TRABD2B: variants seen among roughly 807,000 people sequenced by gnomAD.
TRABD2B encodes metalloprotease TIKI2.
A neutral mutation model predicts 40.1 loss-of-function variants in TRABD2B; 14 were observed. The observed-to-expected ratio is 0.35, with a 90% CI of 0.23 to 0.55. The LOEUF is 0.55. Among genes scored for constraint, TRABD2B ranks in the 20% least tolerant of loss-of-function variants. The probability of loss-of-function intolerance (pLI) is 0.90; values close to 1 mark genes in which losing one functional copy is unlikely to be tolerated. For missense variants in TRABD2B, 541 were observed against 648.6 expected (o/e 0.83, Z 1.80); for synonymous variants, 263 against 277.0 (o/e 0.95, Z 0.50).
intron 2 of TRABD2B, among the ~76,000 whole-genome samples, chr1:47,814,090 A>G (rs938319575): frequency 2.6e-5 from 4 of 152,268 alleles, no homozygotes; most frequent in Admixed American, 2.6e-4. Flanking sequence ...CTGTGGGGAC[A>G]CACATTTGCC....
intron 2 of TRABD2B, among the ~76,000 whole-genome samples, chr1:47,926,232 C>A (rs1045292439): frequency 6.6e-6 from 1 of 152,186 alleles, no homozygotes; most frequent in Admixed American, 6.5e-5. Flanking sequence ...TGGGTCCCTG[C>A]CCTCTCAACT....
intron 2 of TRABD2B, among the ~76,000 whole-genome samples, chr1:47,879,536 A>G (rs1003969150): frequency 1.5e-4 from 23 of 152,244 alleles, no homozygotes; most frequent in African/African-American, 5.1e-4. Flanking sequence ...TAATGTTGGT[A>G]CAACTATGAA....
At chr1:47,768,656 T>C (rs772449396) in intron 6 of TRABD2B, among the ~76,000 whole-genome samples, 1 of 152,184 alleles carries the variant, frequency 6.6e-6, no homozygotes, top group Non-Finnish European at 1.5e-5. Flanking sequence ...CCATTTATTA[T>C]ACGTAGTTTG....
chr1:47,830,195 A>T (rs1645230376), intron 2 of TRABD2B, among the ~76,000 whole-genome samples: 1 of 152,212 alleles, frequency 6.6e-6, no homozygotes, highest in Non-Finnish European at 1.5e-5. Context: ...AGGCAGCAGC[A>T]TCGCACCCTC....
At chr1:47,860,118 C>T (rs1643945594) in intron 2 of TRABD2B, among the ~76,000 whole-genome samples, 2 of 152,166 alleles carry the variant, frequency 1.3e-5, no homozygotes, top group African/African-American at 4.8e-5. Flanking sequence ...CCTTGATGTC[C>T]TGAGGCTTTC....
chr1:47,885,733 G>C (rs1487972405), intron 2 of TRABD2B, among the ~76,000 whole-genome samples: 2 of 152,120 alleles, frequency 1.3e-5, no homozygotes, highest in Non-Finnish European at 2.9e-5. Flanking sequence ...TGGTTTTCAG[G>C]AGCAGTTTGG....
At chr1:47,776,101 C>T (rs1188970046) in intron 5 of TRABD2B, among the ~76,000 whole-genome samples, 1 of 151,614 alleles carries the variant, frequency 6.6e-6, no homozygotes, top group South Asian at 2.1e-4. Flanking sequence ...AGGTGAACAC[C>T]GGCAAAGCAC....
chr1:47,881,841 T>C (rs987707582), intron 2 of TRABD2B, among the ~76,000 whole-genome samples: 1 of 152,250 alleles, frequency 6.6e-6, no homozygotes, highest in Admixed American at 6.5e-5. Flanking sequence ...CTGTGCATCC[T>C]GGTGGCCCAT....
At chr1:47,827,686 G>C (rs1162800187) in intron 2 of TRABD2B, among the ~76,000 whole-genome samples, 1 of 152,120 alleles carries the variant, frequency 6.6e-6, no homozygotes, top group African/African-American at 2.4e-5. Context: ...GCCCCAGCAA[G>C]GGACAACCAC....
chr1:47,789,752 G>A (rs2124181647), intron 4 of TRABD2B, among the ~76,000 whole-genome samples: 1 of 152,102 alleles, frequency 6.6e-6, no homozygotes, highest in East Asian at 1.9e-4. Flanking sequence ...TCAGTTACAG[G>A]TGAAGAGGTG....
intron 4 of TRABD2B, among the ~76,000 whole-genome samples, chr1:47,780,227 C>A (rs1369603229): frequency 6.6e-6 from 1 of 152,164 alleles, no homozygotes; most frequent in Non-Finnish European, 1.5e-5. Context: ...GGGCTCTAGT[C>A]TGGCAACCAC....
intron 4 of TRABD2B, among the ~76,000 whole-genome samples, chr1:47,783,285 A>G (rs1351481400): frequency 1.3e-5 from 2 of 151,648 alleles, no homozygotes; most frequent in Non-Finnish European, 2.9e-5. Flanking sequence ...GAAAAACAGA[A>G]AGAGACAAGG....
intron 6 of TRABD2B, 129 bp from the exon 7 acceptor site, chr1:47,766,235 G>A (rs1306594760): frequency 3.2e-6 from 2 of 626,566 alleles, no homozygotes; most frequent in Non-Finnish European, 5.8e-6. Flanking sequence ...CAAGGAGCTT[G>A]AGCAGGCAAA....
intron 2 of TRABD2B, among the ~76,000 whole-genome samples, chr1:47,914,070 T>C (rs1644797596): frequency 1.3e-5 from 2 of 152,246 alleles, no homozygotes; most frequent in Admixed American, 6.5e-5. Flanking sequence ...GCTTCTCGAA[T>C]TCTTTGTAGA....
In TRABD2B at chr1:47,889,252, G is replaced by A. The variant is rs115684119; in HGVS notation, c.667-87633C>T. Among the ~76,000 whole-genome samples the A allele has an allele frequency of 9.3e-3, 1,415 of 152,312 alleles. 26 individuals carry two copies. The highest frequency in any genetic ancestry group is 0.033 in the African/African-American group (1,368 of 41,564). On this transcript the variant is annotated intron_variant, in intron 2 of 6. Transcript: ENST00000606738. ...CTGCCCAGAATGGGAGGTCAGGATC[G>A]CTGGCTTGGATCCCAGCTCTGCCCC...
intron 2 of TRABD2B, among the ~76,000 whole-genome samples, chr1:47,940,236 T>C (rs1477851895): frequency 6.6e-6 from 1 of 152,166 alleles, no homozygotes; most frequent in Non-Finnish European, 1.5e-5. Context: ...CCAGGTAGAA[T>C]GGATAATGCT....
At chr1:47,934,310 T>C (rs1036712993) in intron 2 of TRABD2B, among the ~76,000 whole-genome samples, 7 of 152,290 alleles carry the variant, frequency 4.6e-5, no homozygotes, top group African/African-American at 1.7e-4. Flanking sequence ...TGGAGGTGCT[T>C]TGTGAAGGAG....
At chr1:47,993,956 C>T (rs1424217276) in intron 2 of TRABD2B, 78 bp downstream of exon 2, 11 of 1,400,046 alleles carry the variant, frequency 7.9e-6, no homozygotes, top group Non-Finnish European at 9.5e-6. Flanking sequence ...CCCTCCCCCT[C>T]GGAGAAGAAA....
rs555035814 is a variant in TRABD2B, at chr1:47,973,299, C to G, written c.666+20735G>C. 5.3e-5 allele frequency among the ~76,000 whole-genome samples: 8 copies of G among 152,312 alleles called. No individual in the cohort carries two copies. In the South Asian group the frequency reaches 1.5e-3, roughly 28 times the overall value. On this transcript the variant is annotated intron_variant, in intron 2 of 6. Transcript: ENST00000606738. ...GTGTGCACTTTACATCCAGGGTCCC[C>G]AGCCATGCACACTTGATATTTGCAT...
Sources: allele counts gnomAD v4.1 joint callset (sites outside exome capture counted in the v4.1 genomes callset), GRCh38; gene constraint gnomAD v4.1.1; transcripts MANE v1.5; gene names NCBI Gene and HGNC (gene_info 2026-07-23, HGNC 2026-07-21).